The following MICAL2 variants were observed in gnomAD, a reference collection of about 807,000 sequenced individuals.
MICAL2 encodes the protein microtubule associated monooxygenase, calponin and LIM domain containing 2, also known as [F-actin]-monooxygenase MICAL2.
In MICAL2, 77 loss-of-function variants were observed where a neutral mutation model predicts 127.3. The ratio of observed to expected loss-of-function variants is 0.60; its 90% CI spans 0.50 to 0.73. The LOEUF (loss-of-function observed/expected upper bound fraction) is 0.73, where lower values mean the gene tolerates loss of function less well. Ranked by LOEUF, MICAL2 falls within the 30% of genes least tolerant of loss-of-function variation. The pLI is 0.00. For synonymous variants in MICAL2, 570 were observed against 551.1 expected (o/e 1.03, Z -0.48); for missense variants, 1,351 against 1,434.4 (o/e 0.94, Z 0.94).
At chr11:12,280,056 G>A (rs375171128) in intron 1 of MICAL2, among the ~76,000 whole-genome samples, 15 of 152,324 alleles carry the variant, frequency 9.8e-5, no homozygotes, top group Middle Eastern at 3.4e-3. Context: ...CTGGAACTGC[G>A]TGTGCTTGGG....
At chr11:12,197,358 C>G (rs75843698) in intron 3 of MICAL2, 3 of 152,220 alleles carry the variant, frequency 2.0e-5, no homozygotes, top group Non-Finnish European at 4.4e-5. Flanking sequence ...ATTGTAAGAA[C>G]GATGCAGGAT....
rs182601978 is a variant in MICAL2 at position 12,119,883 on chromosome 11, T to G, written c.-149+9157T>G. 1.7e-3 allele frequency among the ~76,000 whole-genome samples: 252 copies of G among 152,324 alleles called. 1 individual carries two copies. Among genetic ancestry groups the G allele is most frequent in the Middle Eastern group, 6.8e-3 (2 of 294 alleles). On this transcript the variant is annotated intron_variant, in intron 1 of 27. Coordinates refer to ENST00000683283, the MANE Select transcript of MICAL2 (RefSeq NM_001282663.2). ...AAACTGACACTCGGATGCTTCCTGA[T>G]GCTGAGTGGACAGAGAGGTGTGTTT...
Position 12,349,640 on chromosome 11 carries a change from C to T in MICAL2, c.5516-198C>T, listed in dbSNP as rs374416807. Among the ~76,000 whole-genome samples, 3 of 152,266 alleles carry T rather than the reference C, an allele frequency of 2.0e-5. No homozygotes were observed. In the East Asian group the frequency reaches 5.8e-4, roughly 29 times the overall value. On this transcript the variant is annotated intron_variant, in intron 32 of 34. Transcript: ENST00000646065. Reference sequence around the variant, plus strand: ...CCCTAAGTGTCCAAGAAGACCCCCTCACACACGTACCCACAGCATGCACAG... The same window carrying T: ...CCCTAAGTGTCCAAGAAGACCCCCTTACACACGTACCCACAGCATGCACAG...
downstream of MICAL2, chr11:12,293,841 A>G (rs374075137): frequency 1.9e-5 from 31 of 1,606,368 alleles, no homozygotes; most frequent in African/African-American, 4.0e-4. Flanking sequence ...ATCTGGGGGA[A>G]GGACAGGAGC....
intron 1 of MICAL2, among the ~76,000 whole-genome samples, chr11:12,125,869 GT>G (rs11307651): frequency 0.8 from 120,540 of 151,390 alleles, 48,275 homozygotes; most frequent in East Asian, 0.91. Context: ...TTCTTATTCA[GT>G]TTTTTTTTTC....
intron 29 of MICAL2, among the ~76,000 whole-genome samples, chr11:12,314,549 G>T (rs148259241): frequency 6.6e-6 from 1 of 151,770 alleles, no homozygotes; most frequent in African/African-American, 2.4e-5. Context: ...CGCGATCTCG[G>T]CTCACTGAAA....
intron 21 of MICAL2, among the ~76,000 whole-genome samples, chr11:12,246,899 A>G (rs569701364): frequency 1.1e-4 from 17 of 152,360 alleles, no homozygotes; most frequent in African/African-American, 2.2e-4. Context: ...CAATCAATAT[A>G]TCAGTAAATT....
rs74554765 is a variant in MICAL2, at chr11:12,155,376, C to T, written c.-77-6703C>T. Among the ~76,000 whole-genome samples, 676 of 152,198 alleles carry T rather than the reference C, an allele frequency of 4.4e-3. 2 individuals carry two copies. The highest frequency in any genetic ancestry group is 0.015 in the African/African-American group (643 of 41,506). ...CATGCTACATATACATGTGTATTTG[C>T]GCACACATGAATACACATACATATG... On this transcript the variant is annotated intron_variant, in intron 2 of 27. Transcript: ENST00000683283.
At chr11:12,128,003 A>G (rs1479206532) in intron 1 of MICAL2, among the ~76,000 whole-genome samples, 1 of 152,224 alleles carries the variant, frequency 6.6e-6, no homozygotes, top group Non-Finnish European at 1.5e-5. Context: ...GACATATAAT[A>G]AGTGCCTAAA....
intron 2 of MICAL2, among the ~76,000 whole-genome samples, chr11:12,159,199 G>A (rs1297932679): frequency 1.3e-5 from 2 of 152,190 alleles, no homozygotes; most frequent in Admixed American, 6.5e-5. Context: ...GCCCGAAGAC[G>A]AAGTTGTTCA....
intron 26 of MICAL2, chr11:12,260,135 A>G: frequency 6.5e-7 from 1 of 1,533,648 alleles, no homozygotes; most frequent in Non-Finnish European, 8.7e-7. Flanking sequence ...AGCATCTGCA[A>G]CTGGGTGCTC....
chr11:12,359,537 G>C (rs1939179112), downstream of MICAL2, among the ~76,000 whole-genome samples: 1 of 152,170 alleles, frequency 6.6e-6, no homozygotes, highest in South Asian at 2.1e-4. Context: ...TTCTGACTTA[G>C]AGGGAGGGCT....
intron 3 of MICAL2, among the ~76,000 whole-genome samples, chr11:12,198,080 G>C (rs911977198): frequency 3.9e-5 from 6 of 152,080 alleles, no homozygotes; most frequent in African/African-American, 7.2e-5. Context: ...AGTTCCCCTG[G>C]GGAGCCCCTA....
At chr11:12,307,727 C>T (rs528476143) in intron 29 of MICAL2, among the ~76,000 whole-genome samples, 38 of 152,278 alleles carry the variant, frequency 2.5e-4, no homozygotes, top group African/African-American at 8.2e-4. Context: ...TGTTCTTTCC[C>T]CATTGAGTTA....
chr11:12,215,771 G>T (rs1488644151), intron 7 of MICAL2, among the ~76,000 whole-genome samples: 1 of 152,198 alleles, frequency 6.6e-6, no homozygotes, highest in Non-Finnish European at 1.5e-5. Context: ...GGAAACAGTA[G>T]AAATATTCCT....
At chr11:12,207,787 T>C (rs1565163126) in intron 4 of MICAL2, 2 of 437,400 alleles carry the variant, frequency 4.6e-6, no homozygotes, top group East Asian at 3.8e-5. Flanking sequence ...CATTTAACTT[T>C]GTTAAGCCTC....
chr11:12,270,745 C>G (rs1410236610), intron 24 of MICAL2, among the ~76,000 whole-genome samples: 1 of 152,182 alleles, frequency 6.6e-6, no homozygotes, highest in Admixed American at 6.5e-5. Flanking sequence ...AGAGATGGCT[C>G]TGGCCATTAG....
intron 15 of MICAL2, among the ~76,000 whole-genome samples, chr11:12,231,343 G>A (rs192753908): frequency 5.9e-5 from 9 of 152,138 alleles, no homozygotes; most frequent in Non-Finnish European, 1.3e-4. Context: ...GCTCAACCAG[G>A]TCCTCCTCCT....
At chr11:12,209,768 T>TG (rs1416963335) in intron 6 of MICAL2, among the ~76,000 whole-genome samples, 170 bp downstream of exon 6, 2 of 152,024 alleles carry the variant, frequency 1.3e-5, no homozygotes, top group African/African-American at 4.8e-5. Context: ...CATCCACCTG[T>TG]GGGGTGGGCA....
Sources: gnomAD v4.1 joint callset for allele counts (sites outside exome capture counted in the v4.1 genomes callset) on GRCh38, gnomAD v4.1.1 for gene constraint, MANE v1.5 for transcripts, NCBI Gene and HGNC (gene_info 2026-07-23, HGNC 2026-07-21) for gene names.